Variants in ERLIN2 observed in about 807,000 individuals in gnomAD.
ERLIN2 encodes erlin-2.
Under a neutral mutation model 41.5 loss-of-function variants are expected in ERLIN2, and 22 were observed. The ratio of observed to expected loss-of-function variants is 0.53; its 90% CI spans 0.38 to 0.76. ERLIN2 has a LOEUF of 0.76. Ranked by LOEUF, ERLIN2 falls within the 30% of genes least tolerant of loss-of-function variation. The pLI, the probability that ERLIN2 is intolerant of heterozygous loss-of-function variation, is 0.00. For missense variants in ERLIN2, 247 were observed against 414.3 expected (o/e 0.60, Z 3.51); for synonymous variants, 149 against 150.9 (o/e 0.99, Z 0.09).
At chr8:37,737,647 C>G in intron 1 of ERLIN2, 1 of 475,132 alleles carries the variant, frequency 2.1e-6, no homozygotes, top group Non-Finnish European at 3.9e-6. Flanking sequence ...CCAGCTGGCA[C>G]GGGTTCTCCC....
rs552452918 is a variant in ERLIN2, at chr8:37,753,616, C to A, written c.819+87C>A. On this transcript the variant is annotated intron_variant, in intron 11 of 11. Transcript: ENST00000519638. ...AGTTTCCAGTGTTGAGCGCCTGCCACCACCCAAAGCCCTTCATGGGCAGAA... is the reference window on the plus strand; with the variant it reads ...AGTTTCCAGTGTTGAGCGCCTGCCAACACCCAAAGCCCTTCATGGGCAGAA... 6 of 1,187,342 alleles carry A rather than the reference C, an allele frequency of 5.1e-6. No individual in the cohort carries two copies. In the East Asian group the frequency reaches 1.2e-4, roughly 24 times the overall value. The allele number at this position is 1,187,342 out of a possible 1,614,324, so 73.6% of individuals were successfully genotyped here. A position where few individuals can be genotyped will look rare whatever the true frequency, so the allele number is the denominator to read the frequency against.
chr8:37,749,853 G>A lies in ERLIN2; in HGVS notation c.557+1G>A. The A allele has an allele frequency of 6.2e-7, 1 of 1,613,918 alleles. No individual in the cohort carries two copies. The highest frequency in any genetic ancestry group is 8.5e-7 in the Non-Finnish European group (1 of 1,179,778). On this transcript the variant is annotated splice_donor_variant, in intron 8 of 11. Transcript: ENST00000519638. LOFTEE classifies it high-confidence loss of function. ...CAATCCGCAGAAACTACGAGTTGATGTGAGTATACCCTCCGCCTGGGCTGT... is the reference window on the plus strand; with the variant it reads ...CAATCCGCAGAAACTACGAGTTGATATGAGTATACCCTCCGCCTGGGCTGT...
rs577895567 is a variant in ERLIN2, at chr8:37,757,801, A to G, written c.*3686A>G. On this transcript the variant is annotated 3_prime_UTR_variant, in exon 12 of 12. Coordinates refer to ENST00000519638, the MANE Select transcript of ERLIN2 (RefSeq NM_007175.8). ...ATGAAAATCTATCCCCATTATCGAT[A>G]CAGAATTTGTGAACGTGGCATAATT... 1 of 152,364 alleles carries G rather than the reference A, an allele frequency of 6.6e-6. No homozygotes were observed. Among genetic ancestry groups the G allele is most frequent in the Admixed American group, 6.5e-5 (1 of 15,308 alleles). 9.4% of individuals were successfully genotyped at this position (152,364 alleles called of 1,614,324 possible).
intron 4 of ERLIN2, 49 bp from the exon 5 acceptor site, chr8:37,744,306 C>A: frequency 6.7e-7 from 1 of 1,490,666 alleles, no homozygotes; most frequent in Non-Finnish European, 9.4e-7. Context: ...GGGACTGCAC[C>A]ATATTCTAAG....
At chr8:37,746,934 G>A (rs535562174) in intron 6 of ERLIN2, among the ~76,000 whole-genome samples, 7 of 152,200 alleles carry the variant, frequency 4.6e-5, no homozygotes, top group Admixed American at 1.3e-4. Flanking sequence ...TATAATTCAC[G>A]CTGCTTTTCT....
intron 6 of ERLIN2, chr8:37,747,321 A>C: frequency 1.8e-6 from 2 of 1,096,256 alleles, no homozygotes; most frequent in Non-Finnish European, 1.4e-6. Context: ...TCTAGGGCTC[A>C]GAAAAAAAGC....
At position 37,754,422 on chromosome 8, in the gene ERLIN2, T is replaced by G. The variant is rs902424294; in HGVS notation, c.*307T>G. ...CTGGCTTAATTAGGGATGCTGTCAT[T>G]AAGGAGAGGGAGAAATGTAGAGTGT... On this transcript the variant is annotated 3_prime_UTR_variant, in exon 12 of 12. Coordinates refer to ENST00000519638, the MANE Select transcript of ERLIN2 (RefSeq NM_007175.8). 1.3e-4 allele frequency: 50 copies of G among 391,198 alleles called. 1 individual carries two copies. Among genetic ancestry groups the G allele is most frequent in the Non-Finnish European group, 1.9e-5 (4 of 205,902 alleles). The allele number at this position is 391,198 out of a possible 1,614,324, so 24.2% of individuals were successfully genotyped here. A position where few individuals can be genotyped will look rare whatever the true frequency, so the allele number is the denominator to read the frequency against.
rs1042336099 is a variant in ERLIN2, at chr8:37,740,605, T to C, written c.189+159T>C. The C allele has an allele frequency of 5.9e-5, 12 of 202,042 alleles. No individual in the cohort carries two copies. The Admixed American group carries it at 6.0e-4, about 10-fold the overall frequency. The allele number at this position is 202,042 out of a possible 1,614,324, so 12.5% of individuals were successfully genotyped here. ...ATTATATATATATAATATATATATA[T>C]ATACACACATACACTATATATATAT... On this transcript the variant is annotated intron_variant, in intron 3 of 11. Transcript: ENST00000519638.
At chr8:37,751,516 T>G in intron 9 of ERLIN2, 110 bp from the exon 10 acceptor site, 1 of 857,496 alleles carries the variant, frequency 1.2e-6, no homozygotes, top group South Asian at 1.4e-5. Context: ...AGCTGCCCTC[T>G]GGGGGCTCTC....
chr8:37,753,442 C>A lies in ERLIN2; in HGVS notation c.740-8C>A, dbSNP rs199878078. 4 of 1,612,956 alleles carry A rather than the reference C, an allele frequency of 2.5e-6. No individual in the cohort carries two copies. The highest frequency in any genetic ancestry group is 1.3e-5 in the African/African-American group (1 of 75,022). ...TTCACCAAGTTCACTGCACTCCTTC[C>A]CCCTCAGATGCTGCATTTCTGGCCC... is the stretch of plus-strand genomic sequence containing the variant. On this transcript the variant is annotated splice_polypyrimidine_tract_variant and splice_region_variant and intron_variant, in intron 10 of 11. Transcript: ENST00000519638.
chr8:37,740,591 A>G (rs1246399384), intron 3 of ERLIN2, 145 bp downstream of exon 3: 2 of 222,874 alleles, frequency 9.0e-6, no homozygotes, highest in East Asian at 2.6e-4. Context: ...TTATATATAT[A>G]TAATATATAT....
chr8:37,743,739 CAG>C (rs1802936921), intron 4 of ERLIN2, among the ~76,000 whole-genome samples: 1 of 151,722 alleles, frequency 6.6e-6, no homozygotes, highest in Non-Finnish European at 1.5e-5. Context: ...ATTCTTAAGA[CAG>C]TGCTCACCAA....
chr8:37,747,982 G>T, intron 6 of ERLIN2: 1 of 1,614,146 alleles, frequency 6.2e-7, no homozygotes, highest in Non-Finnish European at 8.5e-7. Context: ...GCAGACTACT[G>T]ACCGAGACAC....
At chr8:37,747,214 G>A in intron 6 of ERLIN2, 3 of 676,088 alleles carry the variant, frequency 4.4e-6, no homozygotes, top group South Asian at 3.2e-5. Context: ...GAGAATCAAT[G>A]GGAAACAACA....
At chr8:37,751,790 C>A in intron 10 of ERLIN2, 75 bp downstream of exon 10, 1 of 1,098,390 alleles carries the variant, frequency 9.1e-7, no homozygotes, top group Non-Finnish European at 1.4e-6. Flanking sequence ...GGAGCCATTG[C>A]CTTTGCCCTT....
chr8:37,743,305 T>C (rs1450485094), intron 4 of ERLIN2, among the ~76,000 whole-genome samples: 1 of 152,184 alleles, frequency 6.6e-6, no homozygotes, highest in East Asian at 1.9e-4. Flanking sequence ...ATAATAGATA[T>C]TTTCTCACCA....
intron 10 of ERLIN2, among the ~76,000 whole-genome samples, chr8:37,752,326 G>A (rs1189339063): frequency 6.6e-6 from 1 of 152,140 alleles, no homozygotes; most frequent in Non-Finnish European, 1.5e-5. Flanking sequence ...CTTATTTCAA[G>A]CAAATTCCAA....
intron 6 of ERLIN2, chr8:37,746,262 C>T (rs879684922): frequency 1.0e-6 from 1 of 985,384 alleles, no homozygotes; most frequent in African/African-American, 1.7e-5. Context: ...AGACTTTAAA[C>T]ATGAAGCTGC....
At position 37,753,518 on chromosome 8, in the gene ERLIN2, G is replaced by A. The variant is rs752228766; in HGVS notation, c.808G>A (p.Glu270Lys). 1.9e-5 allele frequency: 31 copies of A among 1,613,886 alleles called. No individual in the cohort carries two copies. Among genetic ancestry groups the A allele is most frequent in the African/African-American group, 2.7e-5 (2 of 74,922 alleles). The change falls in exon 11 of 12, where the codon GAA (glutamate) becomes AAA (lysine). Residue 270 changes from glutamate to lysine, a missense_variant. Transcript: ENST00000519638. ...GTGCTACACTGCTATGAAAATAGCC[G>A]AAGCCAATAAGGTAAAGACCCCGCA... ...AECYTAMKIAEANKLKLTPEY... is the reference protein window; with the variant it reads ...AECYTAMKIAKANKLKLTPEY...
Sources: allele counts gnomAD v4.1 joint callset (sites outside exome capture counted in the v4.1 genomes callset), GRCh38; gene constraint gnomAD v4.1.1; transcripts MANE v1.5; gene names NCBI Gene and HGNC (gene_info 2026-07-23, HGNC 2026-07-21).